ERAL1: variants seen among roughly 807,000 people sequenced by gnomAD.
The protein encoded by ERAL1 is Era like 12S mitochondrial rRNA chaperone 1, also known as GTPase Era, mitochondrial.
A neutral mutation model predicts 53.6 loss-of-function variants in ERAL1; 36 were observed. That is an observed-to-expected ratio of 0.67 (90% CI 0.51 to 0.89). The LOEUF (loss-of-function observed/expected upper bound fraction) is 0.89, where lower values mean the gene tolerates loss of function less well. ERAL1 is among the 40% of genes least tolerant of loss of function. The pLI is 0.00. For synonymous variants in ERAL1, 215 were observed against 211.8 expected, an observed-to-expected ratio of 1.02 and a Z score of -0.13; for missense variants, 512 against 537.5, an observed-to-expected ratio of 0.95 and a Z score of 0.47.
intron 3 of ERAL1, among the ~76,000 whole-genome samples, chr17:28,857,623 C>T (rs2039259312): frequency 6.6e-6 from 1 of 151,608 alleles, no homozygotes; most frequent in Non-Finnish European, 1.5e-5. Flanking sequence ...AACCCTGTCT[C>T]TACTAAAAAA....
At position 28,860,689 on chromosome 17, in the gene ERAL1, C is replaced by G. The variant is rs369458318; in HGVS notation, c.*136C>G. The G allele has an allele frequency of 1.5e-5, 16 of 1,102,914 alleles. No individual in the cohort carries two copies. The highest frequency in any genetic ancestry group is 2.5e-6 in the Non-Finnish European group (2 of 803,542). The allele number at this position is 1,102,914 out of a possible 1,614,324, so 68.3% of individuals were successfully genotyped here. A position where few individuals can be genotyped will look rare whatever the true frequency, so the allele number is the denominator to read the frequency against. On this transcript the variant is annotated 3_prime_UTR_variant, in exon 10 of 10. Transcript: ENST00000254928. ...TGACTGGCCACTAGCTGGCCTGGCC[C>G]TGTTGAGTCTGCACAGTCCCTGCCC...
intron 3 of ERAL1, among the ~76,000 whole-genome samples, chr17:28,857,643 T>C (rs1204727020): frequency 6.6e-6 from 1 of 151,546 alleles, no homozygotes; most frequent in Non-Finnish European, 1.5e-5. Context: ...AATACAAAAA[T>C]TAGCCGGGTG....
At position 28,856,511 on chromosome 17, in the gene ERAL1, C is replaced by A; in HGVS notation, c.418C>A (p.Pro140Thr). 1 of 1,613,726 alleles carries A rather than the reference C, an allele frequency of 6.2e-7. No homozygotes were observed. Among genetic ancestry groups the A allele is most frequent in the Non-Finnish European group, 8.5e-7 (1 of 1,179,812 alleles). ...ACTCCTTTGTTCCTGGCAGGTGTTC[C>A]CTGTTTCCAGGAAGGTGCATACTAC... ...SNQLLGRKVF[P>T]VSRKVHTTRC... is the part of the protein sequence containing the mutation. Residue 140 changes from proline to threonine, a missense_variant, in exon 3 of 10, where the codon CCT becomes ACT. Pro to Thr is a conservative substitution (Grantham distance 38). Coordinates refer to ENST00000254928, the MANE Select transcript of ERAL1 (RefSeq NM_005702.4).
chr17:28,856,435 T>A (rs1199678481), intron 2 of ERAL1, 44 bp downstream of exon 2: 26 of 1,613,458 alleles, frequency 1.6e-5, no homozygotes, highest in Non-Finnish European at 2.1e-5. Flanking sequence ...ATCTTTTACT[T>A]CTTGCCATGC....
rs760619824 is a variant in ERAL1 at position 28,859,046 on chromosome 17, G to A, written c.1043G>A (p.Cys348Tyr). The A allele has an allele frequency of 1.2e-6, 2 of 1,614,232 alleles. No homozygotes were observed. Among genetic ancestry groups the A allele is most frequent in the East Asian group, 4.5e-5 (2 of 44,884 alleles). ...VLTSQTPEEICANIIREKLLE... is the reference protein window; with the variant it reads ...VLTSQTPEEIYANIIREKLLE... ...ACTAGCCAGACACCAGAAGAGATCT[G>A]TGCCAACATTATCCGAGAGAAGCTC... The change falls in exon 8 of 10, where the codon TGT (cysteine) becomes TAT (tyrosine). Residue 348 changes from cysteine to tyrosine, a missense_variant. Transcript: ENST00000254928.
At position 28,858,720 on chromosome 17, in the gene ERAL1, C is replaced by G. The variant is rs774312450; in HGVS notation, c.856C>G (p.Pro286Ala). The G allele has an allele frequency of 6.2e-7, 1 of 1,614,204 alleles. No homozygotes were observed. The highest frequency in any genetic ancestry group is 2.2e-5 in the East Asian group (1 of 44,896). ...TTGCCCCAGCCCAGCAGTTAAGGAC[C>G]CAAACACACAATCTGTGGGAAATCC... ...THCPSPAVKD[P>A]NTQSVGNPQR... The change falls in exon 7 of 10, where the codon CCA (proline) becomes GCA (alanine). Residue 286 changes from proline (P) to alanine (A), a missense_variant. Transcript: ENST00000254928.
Position 28,859,251 on chromosome 17 carries a change from C to T in ERAL1, c.1159C>T (p.Gln387Ter), listed in dbSNP as rs878951832. 2 of 1,614,060 alleles carry T rather than the reference C, an allele frequency of 1.2e-6. No homozygotes were observed. The highest frequency in any genetic ancestry group is 1.7e-5 in the Admixed American group (1 of 60,000). ...EGPGGELVIQ[Q>*]KLLVPKESYV... ...ACCAGGTGGGGAGCTGGTTATCCAA[C>T]AGAAGCTTCTGGTGCCCAAAGAATC... The change falls in exon 9 of 10, where the codon CAG (glutamine) becomes TAG (stop). Residue 387 changes from glutamine (Q) to a stop codon, truncating the protein, a stop_gained. Coordinates refer to ENST00000254928, the MANE Select transcript of ERAL1 (RefSeq NM_005702.4). LOFTEE classifies it high-confidence loss of function.
chr17:28,860,741 A>C lies in ERAL1; in HGVS notation c.*188A>C, dbSNP rs978340110. On this transcript the variant is annotated 3_prime_UTR_variant, in exon 10 of 10. Transcript: ENST00000254928. ...GCTGTGTCTTCTGTTGGAAGAAGGA[A>C]CCTGCCTTAGCTCAGTTTCCAGGTG... 3 of 589,596 alleles carry C rather than the reference A, an allele frequency of 5.1e-6. No homozygotes were observed. Among genetic ancestry groups the C allele is most frequent in the South Asian group, 2.9e-5 (1 of 35,030 alleles). The allele number at this position is 589,596 out of a possible 1,614,324, so 36.5% of individuals were successfully genotyped here. A position where few individuals can be genotyped will look rare whatever the true frequency, so the allele number is the denominator to read the frequency against.
rs577464927 is a variant in ERAL1 at position 28,860,322 on chromosome 17, G to T, written c.1192-109G>T. ...AGGGGTCGCACTGTTACCCAGGCTG[G>T]ACTCAAACTCCTGTGCTCAAAGGAT... On this transcript the variant is annotated intron_variant, in intron 9 of 9. Coordinates refer to ENST00000254928, the MANE Select transcript of ERAL1 (RefSeq NM_005702.4). 233 of 1,329,118 alleles carry T rather than the reference G, an allele frequency of 1.8e-4. 2 individuals carry two copies. In the South Asian group the frequency reaches 1.8e-3, roughly 10 times the overall value. 82.3% of individuals were successfully genotyped at this position (1,329,118 alleles called of 1,614,324 possible). A position where few individuals can be genotyped will look rare whatever the true frequency, so the allele number is the denominator to read the frequency against.
rs772857578 is a variant in ERAL1, at chr17:28,859,044, C to T, written c.1041C>T (p.Ile347=). 1.9e-6 allele frequency: 3 copies of T among 1,614,196 alleles called. No homozygotes were observed. Among genetic ancestry groups the T allele is most frequent in the Non-Finnish European group, 2.5e-6 (3 of 1,180,040 alleles). Residue 347 remains isoleucine, a synonymous_variant, in exon 8 of 10, where the codon ATC becomes ATT. Coordinates refer to ENST00000254928, the MANE Select transcript of ERAL1 (RefSeq NM_005702.4). ...TCACTAGCCAGACACCAGAAGAGATCTGTGCCAACATTATCCGAGAGAAGC... is the reference window on the plus strand; with the variant it reads ...TCACTAGCCAGACACCAGAAGAGATTTGTGCCAACATTATCCGAGAGAAGC... The part of the protein sequence containing the change: ...AVLTSQTPEE[I]CANIIREKLL...
At position 28,860,458 on chromosome 17, in the gene ERAL1, G is replaced by A. The variant is rs780502321; in HGVS notation, c.1219G>A (p.Val407Met). The change falls in exon 10 of 10, where the codon GTG (valine) becomes ATG (methionine). Residue 407 changes from valine to methionine, a missense_variant. By Grantham distance (21) the Val-to-Met change is conservative (BLOSUM62 1). Transcript: ENST00000254928. ...VKLLIGPKGHVISQIAQEAGH... is the reference protein window; with the variant it reads ...VKLLIGPKGHMISQIAQEAGH... ...ACTCCTGATTGGTCCGAAGGGCCAC[G>A]TGATCTCCCAGATAGCACAGGAGGC... 17 of 1,610,766 alleles carry A rather than the reference G, an allele frequency of 1.1e-5. No homozygotes were observed. The highest frequency in any genetic ancestry group is 3.3e-5 in the South Asian group (3 of 90,466).
chr17:28,859,383 T>C (rs1352271198), intron 9 of ERAL1, 100 bp downstream of exon 9: 1 of 1,117,194 alleles, frequency 9.0e-7, no homozygotes, highest in Non-Finnish European at 1.3e-6. Context: ...CCTTCTCTCT[T>C]TTTTTCTTCT....
chr17:28,857,580 AG>A (rs1176888479), intron 3 of ERAL1, among the ~76,000 whole-genome samples: 1 of 151,464 alleles, frequency 6.6e-6, no homozygotes, highest in Non-Finnish European at 1.5e-5. Flanking sequence ...ACTTGAGATC[AG>A]GAGTTCAAGA....
At chr17:28,855,611 T>G (rs2039232113) in intron 1 of ERAL1, among the ~76,000 whole-genome samples, 2 of 152,166 alleles carry the variant, frequency 1.3e-5, no homozygotes, top group Non-Finnish European at 2.9e-5. Flanking sequence ...ATGTTGGGCC[T>G]CATCTTCTTG....
Position 28,856,579 on chromosome 17 carries a change from G to A in ERAL1, c.486G>A (p.Gln162=), listed in dbSNP as rs1363642787. The part of the protein sequence containing the change: ...ALGVITEKET[Q]VILLDTPGII... ...GGGTCATCACAGAGAAGGAGACCCAGGTGGTGGGTACCTACAAAGGGAGTC... is the reference window on the plus strand; with the variant it reads ...GGGTCATCACAGAGAAGGAGACCCAAGTGGTGGGTACCTACAAAGGGAGTC... Residue 162 remains glutamine (Q), a synonymous_variant, in exon 3 of 10, where the codon CAG becomes CAA. Transcript: ENST00000254928. 6.2e-7 allele frequency: 1 copy of A among 1,614,088 alleles called. No individual in the cohort carries two copies. Among genetic ancestry groups the A allele is most frequent in the East Asian group, 2.2e-5 (1 of 44,882 alleles).
chr17:28,856,810 G>C (rs1481098775), intron 3 of ERAL1: 18 of 450,562 alleles, frequency 4.0e-5, no homozygotes, highest in Non-Finnish European at 7.3e-5. Flanking sequence ...CTCCCAGGTT[G>C]ACGCCATTCT....
rs1293340099 is a variant in ERAL1, at chr17:28,859,072, C to T, written c.1069C>T (p.Leu357=). Residue 357 remains leucine, a synonymous_variant, in exon 8 of 10, where the codon CTA becomes TTA. Coordinates refer to ENST00000254928, the MANE Select transcript of ERAL1 (RefSeq NM_005702.4). The part of the protein sequence containing the change: ...ICANIIREKL[L]EHLPQEVPYN... ...TGCCAACATTATCCGAGAGAAGCTCCTAGAACACCTGCCCCAGGAGGTGCC... is the reference window on the plus strand; with the variant it reads ...TGCCAACATTATCCGAGAGAAGCTCTTAGAACACCTGCCCCAGGAGGTGCC... 1 of 1,614,150 alleles carries T rather than the reference C, an allele frequency of 6.2e-7. No individual in the cohort carries two copies. The highest frequency in any genetic ancestry group is 1.1e-5 in the South Asian group (1 of 91,080).
chr17:28,856,774 C>A, intron 3 of ERAL1, 192 bp downstream of exon 3: 1 of 527,356 alleles, frequency 1.9e-6, no homozygotes, highest in Admixed American at 3.2e-5. Context: ...TGCAGTGACG[C>A]GATCTTGGCT....
intron 8 of ERAL1, 24 bp from the exon 9 acceptor site, chr17:28,859,179 C>CA (rs1288561552): frequency 6.2e-7 from 1 of 1,614,124 alleles, no homozygotes; most frequent in Non-Finnish European, 8.5e-7. Context: ...GTATGACTGA[C>CA]TAATCATTTG....
Sources: allele counts gnomAD v4.1 joint callset (sites outside exome capture counted in the v4.1 genomes callset), GRCh38; gene constraint gnomAD v4.1.1; transcripts MANE v1.5; gene names NCBI Gene and HGNC (gene_info 2026-07-23, HGNC 2026-07-21).